Variants in XRCC1 observed in about 807,000 individuals in gnomAD.
The protein encoded by XRCC1 is DNA repair protein XRCC1.
XRCC1 carries 52 observed loss-of-function variants against 83.3 expected under a neutral mutation model. The observed-to-expected ratio is 0.62, with a 90% confidence interval of 0.50 to 0.79. The LOEUF (loss-of-function observed/expected upper bound fraction) is 0.79, where lower values mean the gene tolerates loss of function less well. XRCC1 is among the 30% of genes least tolerant of loss of function. The pLI, the probability that XRCC1 is intolerant of heterozygous loss-of-function variation, is 0.00. For missense variants in XRCC1, 793 were observed against 823.5 expected (o/e 0.96, Z 0.45); for synonymous variants, 281 against 312.6 (o/e 0.90, Z 1.07).
intron 2 of XRCC1, among the ~76,000 whole-genome samples, chr19:43,571,844 C>T (rs1192899955): frequency 6.6e-6 from 1 of 152,142 alleles, no homozygotes; most frequent in Admixed American, 6.6e-5. Context: ...CAGTGCTTGG[C>T]CTACAGAAGG....
chr19:43,556,431 C>A (rs1408157597), intron 3 of XRCC1, among the ~76,000 whole-genome samples: 5 of 152,208 alleles, frequency 3.3e-5, no homozygotes, highest in Non-Finnish European at 7.3e-5. Context: ...GGTGAAAATT[C>A]TTCTCGGGAG....
chr19:43,555,539 C>T (rs1011272946), intron 3 of XRCC1: 1 of 152,238 alleles, frequency 6.6e-6, no homozygotes, highest in African/African-American at 2.4e-5. Flanking sequence ...GAAACAGCCT[C>T]ATTCAGCCCC....
At position 43,548,766 on chromosome 19, in the gene XRCC1, C is replaced by CAAAAAAAAAAAAAAAAAAAAAAAAAAAA. The variant is rs60740505; in HGVS notation, c.1200-1790_1200-1789insTTTTTTTTTTTTTTTTTTTTTTTTTTTT. Among the ~76,000 whole-genome samples, 14 of 64,578 alleles carry CAAAAAAAAAAAAAAAAAAAAAAAAAAAA rather than the reference C, an allele frequency of 2.2e-4. 1 individual carries two copies. Among genetic ancestry groups the CAAAAAAAAAAAAAAAAAAAAAAAAAAAA allele is most frequent in the Admixed American group, 7.1e-4 (4 of 5,630 alleles). 42.4% of individuals were successfully genotyped at this position (64,578 alleles called of 152,430 possible). A position where few individuals can be genotyped will look rare whatever the true frequency, so the allele number is the denominator to read the frequency against. On this transcript the variant is annotated intron_variant, in intron 10 of 16. Transcript: ENST00000262887. Reference sequence around the variant, plus strand: ...TCTGTGAGAAACACCCAAGAATGATCAAAAAAAAAAAAAAAAAAAACACAA... The same window carrying CAAAAAAAAAAAAAAAAAAAAAAAAAAAA: ...TCTGTGAGAAACACCCAAGAATGATCAAAAAAAAAAAAAAAAAAAAAAAAAAAAAAAAAAAAAAAAAAAAAAAACACAA...
Position 43,552,260 on chromosome 19 carries a change from C to G in XRCC1, c.839G>C (p.Arg280Pro), listed in dbSNP as rs25489. Residue 280 changes from arginine (R) to proline (P), a missense_variant, in exon 9 of 17, where the codon CGT becomes CCT. By Grantham distance (103) the Arg-to-Pro change is moderately radical. Coordinates refer to ENST00000262887, the MANE Select transcript of XRCC1 (RefSeq NM_006297.3). ...PKRPKLPAPT[R>P]TPATAPVPAR... is the part of the protein sequence containing the mutation. Reference sequence around the variant, plus strand: ...AGGGACTGGGGCTGTGGCTGGGGTACGAGTTGGAGCTGGCACTGGAGAAGA... The same window carrying G: ...AGGGACTGGGGCTGTGGCTGGGGTAGGAGTTGGAGCTGGCACTGGAGAAGA... The G allele has an allele frequency of 2.5e-6, 4 of 1,605,858 alleles. No homozygotes were observed. Among genetic ancestry groups the G allele is most frequent in the East Asian group, 2.2e-5 (1 of 44,540 alleles).
chr19:43,543,387 A>G lies in XRCC1; in HGVS notation c.*5T>C. Reference sequence around the variant, plus strand: ...GTGTGTGTGTGTGTGTGTATAGCACATACTTCAGGCTTGCGGCACCACCCC... The same window carrying G: ...GTGTGTGTGTGTGTGTGTATAGCACGTACTTCAGGCTTGCGGCACCACCCC... On this transcript the variant is annotated 3_prime_UTR_variant, in exon 17 of 17. Coordinates refer to ENST00000262887, the MANE Select transcript of XRCC1 (RefSeq NM_006297.3). 1 of 1,576,284 alleles carries G rather than the reference A, an allele frequency of 6.3e-7. No homozygotes were observed. The highest frequency in any genetic ancestry group is 8.6e-7 in the Non-Finnish European group (1 of 1,157,452).
intron 2 of XRCC1, among the ~76,000 whole-genome samples, chr19:43,565,201 G>C (rs751542911): frequency 1.2e-4 from 18 of 152,070 alleles, no homozygotes; most frequent in African/African-American, 4.1e-4. Context: ...ATATTTCCAG[G>C]TTCTGGGGAT....
rs11553654 is a variant in XRCC1 at position 43,543,378 on chromosome 19, G to A, written c.*14C>T. 6.5e-6 allele frequency: 9 copies of A among 1,382,638 alleles called. No homozygotes were observed. The highest frequency in any genetic ancestry group is 1.8e-4 in the Middle Eastern group (1 of 5,470). 85.6% of individuals were successfully genotyped at this position (1,382,638 alleles called of 1,614,324 possible). The stretch of plus-strand genomic sequence containing the variant: ...TGTGTGTGTGTGTGTGTGTGTGTGT[G>A]TATAGCACATACTTCAGGCTTGCGG... On this transcript the variant is annotated 3_prime_UTR_variant, in exon 17 of 17. Transcript: ENST00000262887.
At chr19:43,546,514 G>A in intron 12 of XRCC1, 81 bp downstream of exon 12, 7 of 1,490,300 alleles carry the variant, frequency 4.7e-6, no homozygotes, top group Non-Finnish European at 5.4e-6. Context: ...TCCTCCCTCA[G>A]ACTCAGGAGC....
chr19:43,553,702 G>T lies in XRCC1; in HGVS notation c.415-19C>A. On this transcript the variant is annotated intron_variant, in intron 4 of 16. Coordinates refer to ENST00000262887, the MANE Select transcript of XRCC1 (RefSeq NM_006297.3). ...GGGAGTCCTGGGAAAGGAGGGGTGG[G>T]AGTCAGGGAGTCTGGCCCAAGGACA... is the stretch of plus-strand genomic sequence containing the variant. 6.6e-7 allele frequency: 1 copy of T among 1,518,842 alleles called. No individual in the cohort carries two copies. Among genetic ancestry groups the T allele is most frequent in the Non-Finnish European group, 8.9e-7 (1 of 1,128,816 alleles). The allele number at this position is 1,518,842 out of a possible 1,614,324, so 94.1% of individuals were successfully genotyped here. A position where few individuals can be genotyped will look rare whatever the true frequency, so the allele number is the denominator to read the frequency against.
At chr19:43,571,497 A>G (rs1600061237) in intron 2 of XRCC1, among the ~76,000 whole-genome samples, 4 of 152,246 alleles carry the variant, frequency 2.6e-5, no homozygotes, top group Admixed American at 2.6e-4. Flanking sequence ...AAAGCTCCAC[A>G]AGACTGAATT....
At chr19:43,555,849 A>G (rs2854501) in intron 3 of XRCC1, among the ~76,000 whole-genome samples, 120,164 of 152,126 alleles carry the variant, frequency 0.79, 47,606 homozygotes, top group East Asian at 0.89. Context: ...GTAGTTTGTC[A>G]TGGTGCTGAT....
At chr19:43,561,521 C>G (rs773550550) in intron 2 of XRCC1, among the ~76,000 whole-genome samples, 1 of 152,218 alleles carries the variant, frequency 6.6e-6, no homozygotes, top group Non-Finnish European at 1.5e-5. Context: ...ACCAGTTAAC[C>G]TTTTGGAGCC....
intron 2 of XRCC1, among the ~76,000 whole-genome samples, chr19:43,565,322 G>A (rs1361050674): frequency 6.6e-6 from 1 of 152,142 alleles, no homozygotes; most frequent in Non-Finnish European, 1.5e-5. Flanking sequence ...GGTCTGTTAC[G>A]ACTCCAGTTT....
At chr19:43,564,844 A>C (rs577350094) in intron 2 of XRCC1, among the ~76,000 whole-genome samples, 18 of 152,096 alleles carry the variant, frequency 1.2e-4, no homozygotes, top group Non-Finnish European at 2.5e-4. Context: ...GGAGGTCAAA[A>C]GTCTGAAACT....
Position 43,543,518 on chromosome 19 carries a change from G to A in XRCC1, c.1789-13C>T. On this transcript the variant is annotated splice_polypyrimidine_tract_variant and intron_variant, in intron 16 of 16. Transcript: ENST00000262887. ...TGTCCATCAGGGCCTGCAGGGTGGGGTGGAGTCCATACGGGAATGTGTCAT... is the reference window on the plus strand; with the variant it reads ...TGTCCATCAGGGCCTGCAGGGTGGGATGGAGTCCATACGGGAATGTGTCAT... 1 of 1,613,724 alleles carries A rather than the reference G, an allele frequency of 6.2e-7. No individual in the cohort carries two copies. Among genetic ancestry groups the A allele is most frequent in the Non-Finnish European group, 8.5e-7 (1 of 1,179,760 alleles).
chr19:43,563,105 G>A (rs751681609), intron 2 of XRCC1, among the ~76,000 whole-genome samples: 12 of 152,202 alleles, frequency 7.9e-5, no homozygotes, highest in Non-Finnish European at 1.2e-4. Context: ...GGCTGAGGCC[G>A]GCAGACCTCC....
At chr19:43,568,407 G>GA (rs1972774678) in intron 2 of XRCC1, among the ~76,000 whole-genome samples, 1 of 151,988 alleles carries the variant, frequency 6.6e-6, no homozygotes, top group South Asian at 2.1e-4. Context: ...TGAGGCAGGA[G>GA]AATCACTTGA....
At position 43,553,864 on chromosome 19, in the gene XRCC1, T is replaced by C. The variant is rs527604970; in HGVS notation, c.415-181A>G. The C allele has an allele frequency of 1.7e-5, 9 of 529,972 alleles. No individual in the cohort carries two copies. In the South Asian group the frequency reaches 2.8e-4, roughly 17 times the overall value. 32.8% of individuals were successfully genotyped at this position (529,972 alleles called of 1,614,324 possible). A position where few individuals can be genotyped will look rare whatever the true frequency, so the allele number is the denominator to read the frequency against. On this transcript the variant is annotated intron_variant, in intron 4 of 16. Coordinates refer to ENST00000262887, the MANE Select transcript of XRCC1 (RefSeq NM_006297.3). Reference sequence around the variant, plus strand: ...GGATTAAGCTGTTATGACTGAGCCCTAACTCTGAGTCTGGCTCCAAGCCCT... The same window carrying C: ...GGATTAAGCTGTTATGACTGAGCCCCAACTCTGAGTCTGGCTCCAAGCCCT...
intron 3 of XRCC1, among the ~76,000 whole-genome samples, chr19:43,559,547 C>T (rs536696372): frequency 4.9e-4 from 69 of 141,906 alleles, no homozygotes; most frequent in Non-Finnish European, 8.0e-4. Flanking sequence ...ACACAATACA[C>T]AAAAATTCAC....
Sources: gnomAD v4.1 joint callset for allele counts (sites outside exome capture counted in the v4.1 genomes callset) on GRCh38, gnomAD v4.1.1 for gene constraint, MANE v1.5 for transcripts, NCBI Gene and HGNC (gene_info 2026-07-23, HGNC 2026-07-21) for gene names.